The following LARGE1 variants were observed in gnomAD, a reference collection of about 807,000 sequenced individuals.
LARGE1 encodes the protein xylosyl- and glucuronyltransferase LARGE1.
A neutral mutation model predicts 87.6 loss-of-function variants in LARGE1; 43 were observed. That is an observed-to-expected ratio of 0.49 (90% CI 0.38 to 0.63). The LOEUF (loss-of-function observed/expected upper bound fraction) is 0.63. Among genes scored for constraint, LARGE1 ranks in the 30% least tolerant of loss-of-function variants. LARGE1 has a pLI of 0.00. For missense variants in LARGE1, 802 were observed against 1,000.2 expected (o/e 0.80, Z 2.67); for synonymous variants, 434 against 394.6 (o/e 1.10, Z -1.18).
At chr22:33,300,672 G>C (rs1167979301) in intron 12 of LARGE1, among the ~76,000 whole-genome samples, 3 of 152,154 alleles carry the variant, frequency 2.0e-5, no homozygotes, top group Admixed American at 1.3e-4. Flanking sequence ...CTCCCTAGTA[G>C]CTGGGACTAC....
chr22:33,127,911 G>T, the LARGE1 span, among the ~76,000 whole-genome samples: 3 of 152,200 alleles, frequency 2.0e-5, no homozygotes, highest in African/African-American at 7.2e-5. Flanking sequence ...GGCACTGTAA[G>T]TTAATGTTGT....
intron 4 of LARGE1, among the ~76,000 whole-genome samples, chr22:33,613,503 T>C (rs964478687): frequency 6.6e-6 from 1 of 152,154 alleles, no homozygotes; most frequent in African/African-American, 2.4e-5. Flanking sequence ...GTTTCTTCTA[T>C]TTTTGGAAAC....
At chr22:33,402,268 G>A (rs375013468) in intron 7 of LARGE1, among the ~76,000 whole-genome samples, 4 of 152,308 alleles carry the variant, frequency 2.6e-5, no homozygotes, top group African/African-American at 9.6e-5. Flanking sequence ...AGGCCCAGGG[G>A]CTGGGCATCA....
the LARGE1 span, among the ~76,000 whole-genome samples, chr22:33,151,426 T>C: frequency 6.6e-6 from 1 of 152,186 alleles, no homozygotes; most frequent in East Asian, 1.9e-4. Flanking sequence ...TTATTCTCAG[T>C]TGGATGTCTT....
intron 1 of LARGE1, among the ~76,000 whole-genome samples, chr22:33,844,890 T>G (rs1026565874): frequency 6.6e-6 from 1 of 151,834 alleles, no homozygotes; most frequent in African/African-American, 2.4e-5. Flanking sequence ...CTGGCTAATG[T>G]TGTATTTTTA....
chr22:33,390,004 G>T (rs963061214), intron 7 of LARGE1, among the ~76,000 whole-genome samples: 7 of 152,222 alleles, frequency 4.6e-5, no homozygotes, highest in Admixed American at 1.3e-4. Flanking sequence ...CCCCTTGGTT[G>T]TGGCCAGACC....
intron 11 of LARGE1, among the ~76,000 whole-genome samples, chr22:33,223,779 C>A (rs996962055): frequency 6.6e-6 from 1 of 152,194 alleles, no homozygotes; most frequent in Non-Finnish European, 1.5e-5. Flanking sequence ...CTGCCTGGAC[C>A]AGCCTTTGAC....
chr22:33,212,001 A>G (rs1568975732), intron 11 of LARGE1, among the ~76,000 whole-genome samples: 1 of 152,194 alleles, frequency 6.6e-6, no homozygotes, highest in Non-Finnish European at 1.5e-5. Flanking sequence ...GCTAGCAGAG[A>G]TTGGTTCATG....
At chr22:33,139,356 T>A in the LARGE1 span, among the ~76,000 whole-genome samples, 39 of 152,188 alleles carry the variant, frequency 2.6e-4, no homozygotes, top group Non-Finnish European at 5.0e-4. Flanking sequence ...GGAGCATTTG[T>A]TTTTTTCTTG....
At position 33,829,003 on chromosome 22, in the gene LARGE1, TTTC is replaced by T. The variant is rs1442719844; in HGVS notation, c.-82-67448_-82-67446del. 1.5e-3 allele frequency among the ~76,000 whole-genome samples: 171 copies of T among 115,178 alleles called. 2 individuals carry two copies. The highest frequency in any genetic ancestry group is 5.1e-3 in the Middle Eastern group (1 of 196). 75.6% of individuals were successfully genotyped at this position (115,178 alleles called of 152,430 possible). A position where few individuals can be genotyped will look rare whatever the true frequency, so the allele number is the denominator to read the frequency against. On this transcript the variant is annotated intron_variant, in intron 1 of 14. Coordinates refer to ENST00000397394, the MANE Select transcript of LARGE1 (RefSeq NM_133642.5). Reference sequence around the variant, plus strand: ...TCAGAGATGCTTTGTGAAGTCTCTTTTTCTTTTTTTTTTTTTTTTTTTTTTGAG... The same window carrying T: ...TCAGAGATGCTTTGTGAAGTCTCTTTTTTTTTTTTTTTTTTTTTTTTTGAG...
At chr22:33,526,267 T>C (rs1028113976) in intron 6 of LARGE1, among the ~76,000 whole-genome samples, 5 of 152,254 alleles carry the variant, frequency 3.3e-5, no homozygotes, top group Admixed American at 6.5e-5. Flanking sequence ...GTGGAGAGCC[T>C]GTCTTAAGAG....
intron 2 of LARGE1, among the ~76,000 whole-genome samples, chr22:33,656,005 T>A (rs184253123): frequency 6.6e-5 from 10 of 152,160 alleles, no homozygotes; most frequent in African/African-American, 1.9e-4. Context: ...ATACTTAACT[T>A]TTCTGTGACT....
the LARGE1 span, among the ~76,000 whole-genome samples, chr22:33,110,168 T>G: frequency 2.0e-5 from 3 of 152,214 alleles, no homozygotes; most frequent in Non-Finnish European, 4.4e-5. Flanking sequence ...AGGAGTTAAA[T>G]AACCTGTTCA....
intron 5 of LARGE1, among the ~76,000 whole-genome samples, chr22:33,592,523 T>G (rs2078869991): frequency 6.6e-6 from 1 of 152,166 alleles, no homozygotes; most frequent in Admixed American, 6.5e-5. Context: ...TCCACTATAT[T>G]TAACAGCTTT....
chr22:33,114,880 T>A, the LARGE1 span, among the ~76,000 whole-genome samples: 1 of 152,214 alleles, frequency 6.6e-6, no homozygotes, highest in Admixed American at 6.5e-5. Context: ...TTAAAACAGA[T>A]GTTCTATGCA....
At chr22:33,261,185 C>A (rs1927605747) in intron 11 of LARGE1, among the ~76,000 whole-genome samples, 1 of 152,198 alleles carries the variant, frequency 6.6e-6, no homozygotes, top group South Asian at 2.1e-4. Flanking sequence ...TCAAGCAGTG[C>A]CCAGGTTAGC....
At chr22:33,637,093 G>C (rs1253056101) in intron 3 of LARGE1, among the ~76,000 whole-genome samples, 1 of 152,054 alleles carries the variant, frequency 6.6e-6, no homozygotes, top group Non-Finnish European at 1.5e-5. Context: ...ATCATTGAAA[G>C]GAAGGTCTTC....
chr22:33,691,634 C>A (rs2082103246), intron 2 of LARGE1, among the ~76,000 whole-genome samples: 1 of 152,168 alleles, frequency 6.6e-6, no homozygotes, highest in Admixed American at 6.5e-5. Flanking sequence ...TCTGCTAAGC[C>A]CCATTAATCT....
At chr22:33,491,688 T>C (rs2069848472) in intron 6 of LARGE1, among the ~76,000 whole-genome samples, 1 of 152,218 alleles carries the variant, frequency 6.6e-6, no homozygotes, top group South Asian at 2.1e-4. Context: ...AACTTAATCA[T>C]AAGTCGATCT....
Sources: gnomAD v4.1 joint callset for allele counts (sites outside exome capture counted in the v4.1 genomes callset) on GRCh38, gnomAD v4.1.1 for gene constraint, MANE v1.5 for transcripts, NCBI Gene and HGNC (gene_info 2026-07-23, HGNC 2026-07-21) for gene names.